RALYL: variants seen among roughly 807,000 people sequenced by gnomAD.
RALYL encodes RNA-binding Raly-like protein.
In RALYL, 29 loss-of-function variants were observed where a neutral mutation model predicts 35.1. The observed-to-expected ratio is 0.83, with a 90% CI of 0.61 to 1.13. RALYL has a LOEUF of 1.13. Ranked by LOEUF, RALYL falls within the 50% of genes most tolerant of loss-of-function variation. The probability of loss-of-function intolerance (pLI) is 0.00; values close to 1 mark genes in which losing one functional copy is unlikely to be tolerated. For synonymous variants in RALYL, 120 were observed against 127.6 expected (o/e 0.94, Z 0.40); for missense variants, 359 against 360.4 (o/e 1.00, Z 0.03).
intron 2 of RALYL, among the ~76,000 whole-genome samples, chr8:84,573,529 C>T (rs28615259): frequency 0.053 from 8,010 of 151,698 alleles, 489 homozygotes; most frequent in African/African-American, 0.14. Context: ...ACTTTGGTAT[C>T]GTTGTCTTTA....
At chr8:84,461,980 A>G (rs2050842414) in intron 1 of RALYL, among the ~76,000 whole-genome samples, 1 of 151,648 alleles carries the variant, frequency 6.6e-6, no homozygotes, top group Admixed American at 6.6e-5. Context: ...TACAAATCAT[A>G]ATGACATGTA....
chr8:84,921,297 C>T lies in RALYL; in HGVS notation c.*386C>T, dbSNP rs1849286451. On this transcript the variant is annotated 3_prime_UTR_variant, in exon 9 of 9. Coordinates refer to ENST00000521268, the MANE Select transcript of RALYL (RefSeq NM_173848.7). Reference sequence around the variant, plus strand: ...TATAAAGTCAGGTGATATTGCAATTCTGTATTTAAAGCTTATTTCCAACAA... The same window carrying T: ...TATAAAGTCAGGTGATATTGCAATTTTGTATTTAAAGCTTATTTCCAACAA... 6.4e-6 allele frequency: 1 copy of T among 157,330 alleles called. No homozygotes were observed. The highest frequency in any genetic ancestry group is 2.4e-5 in the African/African-American group (1 of 41,630). 9.7% of individuals were successfully genotyped at this position (157,330 alleles called of 1,614,324 possible).
At chr8:84,278,830 G>T (rs1396375053) in intron 1 of RALYL, among the ~76,000 whole-genome samples, 1 of 152,138 alleles carries the variant, frequency 6.6e-6, no homozygotes. Context: ...CAAGTCTCTA[G>T]GAAGTTACAA....
At chr8:84,490,566 T>C (rs1187511017) in intron 1 of RALYL, among the ~76,000 whole-genome samples, 2 of 151,888 alleles carry the variant, frequency 1.3e-5, no homozygotes, top group Non-Finnish European at 2.9e-5. Flanking sequence ...TGTTAATTCA[T>C]TTGTCTGTGG....
rs577411696 is a variant in RALYL at position 84,554,761 on chromosome 8, T to G, written c.256+25184T>G. On this transcript the variant is annotated intron_variant, in intron 2 of 8. Coordinates refer to ENST00000521268, the MANE Select transcript of RALYL (RefSeq NM_173848.7). The stretch of plus-strand genomic sequence containing the variant: ...CTCACATTCAACAGTGCCTCGTCTC[T>G]TAGGACGAATAATACTATATAAATG... Among the ~76,000 whole-genome samples, 6 of 152,304 alleles carry G rather than the reference T, an allele frequency of 3.9e-5. No homozygotes were observed. The South Asian group carries it at 6.2e-4, about 16-fold the overall frequency.
chr8:84,753,889 G>T (rs966861723), intron 2 of RALYL, among the ~76,000 whole-genome samples: 1 of 152,138 alleles, frequency 6.6e-6, no homozygotes, highest in East Asian at 1.9e-4. Flanking sequence ...CTGATGGCTA[G>T]TGATGATGAG....
intron 1 of RALYL, among the ~76,000 whole-genome samples, chr8:84,274,414 G>T (rs997965401): frequency 6.6e-6 from 1 of 152,060 alleles, no homozygotes; most frequent in African/African-American, 2.4e-5. Flanking sequence ...TGTATTCTGA[G>T]TATAGAGTAC....
intron 2 of RALYL, among the ~76,000 whole-genome samples, chr8:84,688,112 C>T (rs1436534725): frequency 1.3e-5 from 2 of 151,628 alleles, no homozygotes; most frequent in Non-Finnish European, 2.9e-5. Flanking sequence ...CTTCTCACTC[C>T]TCATAGTTTT....
At chr8:84,579,195 T>A (rs1448976947) in intron 2 of RALYL, among the ~76,000 whole-genome samples, 7 of 152,128 alleles carry the variant, frequency 4.6e-5, no homozygotes, top group African/African-American at 7.2e-5. Flanking sequence ...CAGGAGGCAG[T>A]CTTGTTGGCA....
At chr8:84,288,688 A>G (rs1222427403) in intron 1 of RALYL, among the ~76,000 whole-genome samples, 1 of 152,180 alleles carries the variant, frequency 6.6e-6, no homozygotes, top group Non-Finnish European at 1.5e-5. Context: ...TTCATCTTAC[A>G]GTTTCTTTGC....
intron 1 of RALYL, among the ~76,000 whole-genome samples, chr8:84,510,758 T>C (rs1270774227): frequency 1.3e-5 from 2 of 151,604 alleles, no homozygotes; most frequent in Non-Finnish European, 2.9e-5. Context: ...TGCGGTGAGC[T>C]GAGATCACAC....
intron 1 of RALYL, among the ~76,000 whole-genome samples, chr8:84,298,260 A>C (rs902988559): frequency 1.3e-5 from 2 of 152,114 alleles, no homozygotes; most frequent in Non-Finnish European, 2.9e-5. Context: ...AAGGCTAGCC[A>C]GTTATCCCAG....
chr8:84,540,945 A>G (rs889761109), intron 2 of RALYL, among the ~76,000 whole-genome samples: 1 of 152,018 alleles, frequency 6.6e-6, no homozygotes, highest in African/African-American at 2.4e-5. Flanking sequence ...ATATTAGCAT[A>G]AGATTAAGAA....
At chr8:84,252,954 TGA>T (rs1830478627) in intron 1 of RALYL, among the ~76,000 whole-genome samples, 1 of 152,120 alleles carries the variant, frequency 6.6e-6, no homozygotes, top group Non-Finnish European at 1.5e-5. Flanking sequence ...TTGCATAATG[TGA>T]GAGTCTTCTC....
At chr8:84,829,243 T>G (rs1158477919) in intron 4 of RALYL, 2 of 152,194 alleles carry the variant, frequency 1.3e-5, no homozygotes, top group African/African-American at 4.8e-5. Flanking sequence ...CTCCCATGAT[T>G]CAGTTACCTC....
chr8:84,805,790 G>A (rs1271412325), intron 4 of RALYL, among the ~76,000 whole-genome samples: 2 of 152,172 alleles, frequency 1.3e-5, no homozygotes, highest in Non-Finnish European at 2.9e-5. Context: ...AATGTTGTTT[G>A]TATCTGATCA....
intron 1 of RALYL, among the ~76,000 whole-genome samples, chr8:84,385,500 C>A (rs1036319322): frequency 6.6e-6 from 1 of 151,784 alleles, no homozygotes; most frequent in East Asian, 1.9e-4. Flanking sequence ...TACACCTTAT[C>A]CATCTACTCT....
At chr8:84,248,617 G>T (rs999584068) in intron 1 of RALYL, among the ~76,000 whole-genome samples, 1 of 151,982 alleles carries the variant, frequency 6.6e-6, no homozygotes, top group African/African-American at 2.4e-5. Flanking sequence ...TTTACATTGT[G>T]AGGCTGTAGA....
chr8:84,276,630 C>G (rs1360368508), intron 1 of RALYL, among the ~76,000 whole-genome samples: 1 of 152,156 alleles, frequency 6.6e-6, no homozygotes, highest in African/African-American at 2.4e-5. Context: ...CCTATTGACT[C>G]AGTCCTTGTG....
Sources: allele counts gnomAD v4.1 joint callset (sites outside exome capture counted in the v4.1 genomes callset), GRCh38; gene constraint gnomAD v4.1.1; transcripts MANE v1.5; gene names NCBI Gene and HGNC (gene_info 2026-07-23, HGNC 2026-07-21).